The following CLIP1 variants were observed in gnomAD, a reference collection of about 807,000 sequenced individuals.
CLIP1 encodes CAP-Gly domain containing linker protein 1.
A neutral mutation model predicts 161.6 loss-of-function variants in CLIP1; 66 were observed. The observed-to-expected ratio is 0.41, with a 90% confidence interval of 0.33 to 0.50. The LOEUF is 0.50. CLIP1 is among the 20% of genes least tolerant of loss of function. CLIP1 has a pLI of 0.27. For missense variants in CLIP1, 1,376 were observed against 1,702.0 expected (o/e 0.81, Z 3.37); for synonymous variants, 598 against 626.2 (o/e 0.96, Z 0.67).
Position 122,409,282 on chromosome 12 carries a change from C to T in CLIP1, c.-107+13239G>A, listed in dbSNP as rs546302458. The stretch of plus-strand genomic sequence containing the variant: ...CTGGGATTACAGGCATGCGCAACCA[C>T]GCCCAGCTAATTTTTATATTTTTAG... On this transcript the variant is annotated intron_variant, in intron 1 of 25. Transcript: ENST00000620786. 1.9e-3 allele frequency among the ~76,000 whole-genome samples: 276 copies of T among 148,944 alleles called. 3 individuals are homozygous for T. The highest frequency in any genetic ancestry group is 6.3e-3 in the African/African-American group (255 of 40,406).
chr12:122,316,696 A>C, intron 19 of CLIP1, 53 bp downstream of exon 19: 1 of 1,116,280 alleles, frequency 9.0e-7, no homozygotes. Context: ...TTGTGTTCAC[A>C]TTTTCAATTT....
chr12:122,336,868 G>A (rs1423037374), intron 11 of CLIP1, 120 bp from the exon 12 acceptor site: 2 of 446,012 alleles, frequency 4.5e-6, no homozygotes, highest in African/African-American at 4.1e-5. Context: ...AAACTGAAAG[G>A]AATACAAATT....
intron 2 of CLIP1, among the ~76,000 whole-genome samples, chr12:122,379,297 T>A (rs1593202275): frequency 7.3e-6 from 1 of 136,820 alleles, no homozygotes; most frequent in African/African-American, 2.8e-5. Context: ...AACAGAACAA[T>A]ACAGCATCTC....
chr12:122,308,579 G>A (rs532413022), intron 20 of CLIP1, among the ~76,000 whole-genome samples: 7 of 152,280 alleles, frequency 4.6e-5, no homozygotes, highest in Admixed American at 1.3e-4. Flanking sequence ...GACACTAGTC[G>A]CCAAATGATG....
intron 5 of CLIP1, among the ~76,000 whole-genome samples, chr12:122,357,602 G>A (rs1435929339): frequency 1.4e-5 from 2 of 145,182 alleles, no homozygotes; most frequent in Non-Finnish European, 3.1e-5. Flanking sequence ...CCGTCCGGAA[G>A]GTGAGGGGCG....
chr12:122,319,428 G>A (rs1309520413), intron 17 of CLIP1, 80 bp from the exon 18 acceptor site: 1 of 1,035,094 alleles, frequency 9.7e-7, no homozygotes, highest in Non-Finnish European at 1.5e-6. Flanking sequence ...GTGCTGTTCA[G>A]GCAGCACTCA....
At chr12:122,382,127 C>T (rs1290498771) in intron 1 of CLIP1, among the ~76,000 whole-genome samples, 2 of 151,984 alleles carry the variant, frequency 1.3e-5, no homozygotes, top group African/African-American at 2.4e-5. Flanking sequence ...TTTGAGAGGC[C>T]GAGGCAGGCA....
Position 122,390,304 on chromosome 12 carries a change from GTATA to G in CLIP1, c.-106-9750_-106-9747del, listed in dbSNP as rs1214497438. Among the ~76,000 whole-genome samples, 5 of 88,256 alleles carry G rather than the reference GTATA, an allele frequency of 5.7e-5. 1 individual carries two copies. The highest frequency in any genetic ancestry group is 1.6e-4 in the African/African-American group (4 of 25,058). The allele number at this position is 88,256 out of a possible 152,430, so 57.9% of individuals were successfully genotyped here. ...CATATATATATATATATATATATAT[GTATA>G]TATATATATATTATTTTTTTTTTAA... On this transcript the variant is annotated intron_variant, in intron 1 of 25. Transcript: ENST00000620786.
chr12:122,313,578 T>C (rs1429509766), intron 19 of CLIP1, among the ~76,000 whole-genome samples: 1 of 151,218 alleles, frequency 6.6e-6, no homozygotes, highest in Non-Finnish European at 1.5e-5. Flanking sequence ...AATACAAAAT[T>C]AGCTGGGCAC....
chr12:122,291,333 A>T (rs1950241454), intron 20 of CLIP1, among the ~76,000 whole-genome samples: 1 of 149,842 alleles, frequency 6.7e-6, no homozygotes, highest in African/African-American at 2.5e-5. Flanking sequence ...GGGATTACAG[A>T]TGTGTGCTAC....
chr12:122,322,788 A>T (rs183123626), intron 17 of CLIP1: 3 of 152,026 alleles, frequency 2.0e-5, no homozygotes, highest in African/African-American at 7.3e-5. Flanking sequence ...AATTTGTGAC[A>T]CTCTTCTTGC....
In CLIP1 at chr12:122,311,309, G is replaced by C. The variant is rs1459144804; in HGVS notation, c.3474-1427C>G. Among the ~76,000 whole-genome samples, 7 of 152,054 alleles carry C rather than the reference G, an allele frequency of 4.6e-5. No individual in the cohort carries two copies. Among genetic ancestry groups the C allele is most frequent in the African/African-American group, 1.7e-4 (7 of 41,466 alleles). ...GTCAAAGTGCTACGCTTATACTCCT[G>C]TTCCTTCTCTCTCAAGCCCACAGGA... On this transcript the variant is annotated intron_variant, in intron 19 of 25. Transcript: ENST00000620786. The surrounding 1 kb of genome is among the most constrained non-coding windows in gnomAD (Gnocchi z 4.3).
rs751066705 is a variant in CLIP1 at position 122,360,986 on chromosome 12, C to T, written c.978G>A (p.Val326=). ...GTCCTGTCCGACTGGGCCTGCTGCT[C>T]ACAGAGGAGGCCACTGAGCTCATGG... ...LSSMSSVASS[V]SSRPSRTGLL... is the part of the protein sequence containing the mutation. The change falls in exon 5 of 26, where the codon GTG becomes GTA. Residue 326 remains valine (V), a synonymous_variant. Transcript: ENST00000620786. The T allele has an allele frequency of 1.9e-6, 3 of 1,613,768 alleles. No homozygotes were observed. In the Admixed American group the frequency reaches 5.0e-5, roughly 27 times the overall value.
chr12:122,338,396 A>T (rs1952341586), intron 11 of CLIP1, among the ~76,000 whole-genome samples: 1 of 152,124 alleles, frequency 6.6e-6, no homozygotes, highest in Admixed American at 6.6e-5. Context: ...TGCTTAAAGT[A>T]GTTTGACATT....
chr12:122,277,508 AGTT>A (rs1955478506), intron 24 of CLIP1: 1 of 152,200 alleles, frequency 6.6e-6, no homozygotes, highest in Non-Finnish European at 1.5e-5. Context: ...TTAAAACTAA[AGTT>A]GTTTTGTTAA....
chr12:122,362,932 G>T (rs950936558), intron 4 of CLIP1, among the ~76,000 whole-genome samples: 1 of 152,000 alleles, frequency 6.6e-6, no homozygotes, highest in Non-Finnish European at 1.5e-5. Flanking sequence ...AGTTCCAAGA[G>T]AGCTTTATCT....
chr12:122,402,613 T>C, intron 1 of CLIP1, among the ~76,000 whole-genome samples: 1 of 152,128 alleles, frequency 6.6e-6, no homozygotes. Context: ...CCATCTCTAC[T>C]AAAAATATAA....
chr12:122,318,678 T>C (rs1014776174), intron 18 of CLIP1, among the ~76,000 whole-genome samples: 4 of 152,160 alleles, frequency 2.6e-5, no homozygotes, highest in Non-Finnish European at 5.9e-5. Context: ...AGGGTTGGTA[T>C]GAGCTAGGAG....
chr12:122,361,998 G>A (rs555309481), intron 4 of CLIP1, among the ~76,000 whole-genome samples: 1 of 151,382 alleles, frequency 6.6e-6, no homozygotes, highest in South Asian at 2.1e-4. Flanking sequence ...CTGTTGCCCA[G>A]GCTGGAGTGC....
Sources: allele counts gnomAD v4.1 joint callset (sites outside exome capture counted in the v4.1 genomes callset), GRCh38; gene constraint gnomAD v4.1.1; non-coding constraint Gnocchi (gnomAD v3.1); transcripts MANE v1.5; gene names NCBI Gene and HGNC (gene_info 2026-07-23, HGNC 2026-07-21).